The following KCND2 variants were observed in gnomAD, a reference collection of about 807,000 sequenced individuals.
The protein encoded by KCND2 is potassium voltage-gated channel subfamily D member 2, also known as A-type voltage-gated potassium channel KCND2.
KCND2 carries 16 observed loss-of-function variants against 54.4 expected under a neutral mutation model. The ratio of observed to expected loss-of-function variants is 0.29; its 90% CI spans 0.20 to 0.45. KCND2 has a LOEUF of 0.45. Ranked by LOEUF, KCND2 falls within the 20% of genes least tolerant of loss-of-function variation. KCND2 has a pLI of 1.00. For synonymous variants in KCND2, 317 were observed against 310.7 expected, an observed-to-expected ratio of 1.02 and a Z score of -0.21; for missense variants, 486 against 824.2, an observed-to-expected ratio of 0.59 and a Z score of 5.02.
intron 1 of KCND2, among the ~76,000 whole-genome samples, chr7:120,635,747 A>G (rs1325924462): frequency 6.6e-6 from 1 of 152,208 alleles, no homozygotes; most frequent in Non-Finnish European, 1.5e-5. Flanking sequence ...GAATTTTTAA[A>G]CCATCCAAAT....
chr7:120,339,020 A>G lies in KCND2; in HGVS notation c.1115+63273A>G, dbSNP rs532663641. Among the ~76,000 whole-genome samples the G allele has an allele frequency of 5.3e-5, 8 of 151,416 alleles. No homozygotes were observed. The South Asian group carries it at 1.7e-3, about 32-fold the overall frequency. On this transcript the variant is annotated intron_variant, in intron 1 of 5. Coordinates refer to ENST00000331113, the MANE Select transcript of KCND2 (RefSeq NM_012281.3). ...CTCAGCCTCCTGAGTAGCTGGGACT[A>G]TAGGCACCTGCCACCACACCTGGCT...
At chr7:120,735,335 G>A (rs1792857085) in intron 2 of KCND2, among the ~76,000 whole-genome samples, 1 of 151,986 alleles carries the variant, frequency 6.6e-6, no homozygotes, top group Admixed American at 6.6e-5. Flanking sequence ...TGCCCATACA[G>A]TACAGTCCCT....
chr7:120,576,977 T>TC (rs1466117986), intron 1 of KCND2, among the ~76,000 whole-genome samples: 1 of 152,066 alleles, frequency 6.6e-6, no homozygotes, highest in Non-Finnish European at 1.5e-5. Flanking sequence ...TGAAACTCCA[T>TC]CTCTACTAAA....
chr7:120,604,510 CAATAATAATAATAATAATAAT>C (rs36229417), intron 1 of KCND2, among the ~76,000 whole-genome samples: 12 of 140,252 alleles, frequency 8.6e-5, no homozygotes, highest in African/African-American at 1.3e-4. Flanking sequence ...CTAAAAATAA[CAATAATAATAATAATAATAAT>C]AATAATAATA....
intron 1 of KCND2, among the ~76,000 whole-genome samples, chr7:120,613,642 T>A (rs1792985197): frequency 6.6e-6 from 1 of 152,202 alleles, no homozygotes; most frequent in African/African-American, 2.4e-5. Flanking sequence ...CTCCTTGAAT[T>A]GTTCCCTGCA....
Position 120,375,061 on chromosome 7 carries a change from A to G in KCND2, c.1115+99314A>G, listed in dbSNP as rs913510247. ...TTGCCTCATGCCCAGCTCTTGGAATAATGCCAGGAACATATTAGGTACACA... is the reference window on the plus strand; with the variant it reads ...TTGCCTCATGCCCAGCTCTTGGAATGATGCCAGGAACATATTAGGTACACA... On this transcript the variant is annotated intron_variant, in intron 1 of 5. Coordinates refer to ENST00000331113, the MANE Select transcript of KCND2 (RefSeq NM_012281.3). Among the ~76,000 whole-genome samples, 8 of 151,850 alleles carry G rather than the reference A, an allele frequency of 5.3e-5. No homozygotes were observed. The Admixed American group carries it at 5.3e-4, about 10-fold the overall frequency.
At chr7:120,321,594 A>G (rs1391144050) in intron 1 of KCND2, among the ~76,000 whole-genome samples, 1 of 152,088 alleles carries the variant, frequency 6.6e-6, no homozygotes, top group Non-Finnish European at 1.5e-5. Flanking sequence ...ATGTGTTTAT[A>G]CTTTTAAAAT....
At chr7:120,562,870 T>C (rs1792252419) in intron 1 of KCND2, among the ~76,000 whole-genome samples, 1 of 152,182 alleles carries the variant, frequency 6.6e-6, no homozygotes, top group African/African-American at 2.4e-5. Flanking sequence ...TAAACAAAGA[T>C]AATATGCCAA....
chr7:120,679,208 T>C (rs1477139698), intron 1 of KCND2, among the ~76,000 whole-genome samples: 1 of 151,988 alleles, frequency 6.6e-6, no homozygotes, highest in East Asian at 1.9e-4. Context: ...ATATTTTTCA[T>C]CATAATCTTT....
chr7:120,375,979 T>A (rs1448144752), intron 1 of KCND2, among the ~76,000 whole-genome samples: 2 of 151,706 alleles, frequency 1.3e-5, no homozygotes, highest in Non-Finnish European at 2.9e-5. Flanking sequence ...TAAAACAGAA[T>A]TTGCTGTCAT....
At chr7:120,289,041 C>CAT (rs1414937492) in intron 1 of KCND2, among the ~76,000 whole-genome samples, 278 of 38,440 alleles carry the variant, frequency 7.2e-3, no homozygotes, top group African/African-American at 0.014. Context: ...GACACAAACA[C>CAT]ACACACACAC....
At chr7:120,341,759 A>G (rs561827539) in intron 1 of KCND2, among the ~76,000 whole-genome samples, 1 of 152,290 alleles carries the variant, frequency 6.6e-6, no homozygotes, top group South Asian at 2.1e-4. Flanking sequence ...GAAATTGCCA[A>G]TAACTAAATT....
intron 1 of KCND2, among the ~76,000 whole-genome samples, chr7:120,346,017 T>G (rs1478262292): frequency 2.0e-5 from 3 of 152,192 alleles, no homozygotes; most frequent in African/African-American, 7.2e-5. Context: ...TTATTTTATG[T>G]TTTTCTGACA....
At chr7:120,680,115 A>G (rs571414773) in intron 1 of KCND2, among the ~76,000 whole-genome samples, 1 of 152,266 alleles carries the variant, frequency 6.6e-6, no homozygotes, top group Admixed American at 6.5e-5. Context: ...ATTAACTGAT[A>G]TAAGAAACAA....
intron 1 of KCND2, among the ~76,000 whole-genome samples, chr7:120,418,493 A>G (rs113051363): frequency 0.027 from 4,078 of 152,216 alleles, 86 homozygotes; most frequent in Non-Finnish European, 0.045. Context: ...TGCTGTTCCA[A>G]TGGGTCTCAA....
At chr7:120,448,127 C>A (rs1802045175) in intron 1 of KCND2, among the ~76,000 whole-genome samples, 1 of 151,908 alleles carries the variant, frequency 6.6e-6, no homozygotes, top group Admixed American at 6.6e-5. Context: ...TGTGCTGCAC[C>A]CATTAACTCG....
chr7:120,666,839 A>G (rs1791933050), intron 1 of KCND2, among the ~76,000 whole-genome samples: 1 of 152,120 alleles, frequency 6.6e-6, no homozygotes, highest in African/African-American at 2.4e-5. Flanking sequence ...ACAAAAATGG[A>G]AAATAAAAAA....
chr7:120,454,222 A>G (rs1377824330), intron 1 of KCND2, among the ~76,000 whole-genome samples: 9 of 152,200 alleles, frequency 5.9e-5, no homozygotes, highest in African/African-American at 2.2e-4. Flanking sequence ...GCTGAATTGA[A>G]GGAAATTGAG....
chr7:120,664,027 A>G (rs1362930771), intron 1 of KCND2, among the ~76,000 whole-genome samples: 1 of 152,118 alleles, frequency 6.6e-6, no homozygotes, highest in Non-Finnish European at 1.5e-5. Context: ...CTTCCTTTCA[A>G]TACCAAATCT....
Sources: gnomAD v4.1 joint callset for allele counts (sites outside exome capture counted in the v4.1 genomes callset) on GRCh38, gnomAD v4.1.1 for gene constraint, MANE v1.5 for transcripts, NCBI Gene and HGNC (gene_info 2026-07-23, HGNC 2026-07-21) for gene names.